Variants in LMNA observed in about 807,000 individuals in gnomAD.
LMNA encodes the protein lamin A/C, also known as lamin.
LMNA carries 20 observed loss-of-function variants against 70.4 expected under a neutral mutation model. The ratio of observed to expected loss-of-function variants is 0.28; its 90% CI spans 0.20 to 0.41. LMNA has a LOEUF of 0.41. Among genes scored for constraint, LMNA ranks in the 10% least tolerant of loss-of-function variants. LMNA has a pLI of 1.00. For missense variants in LMNA, 652 were observed against 917.2 expected, an observed-to-expected ratio of 0.71 and a Z score of 3.73; for synonymous variants, 339 against 372.8, an observed-to-expected ratio of 0.91 and a Z score of 1.04.
intron 1 of LMNA, among the ~76,000 whole-genome samples, chr1:156,125,354 C>T (rs989173074): frequency 3.9e-5 from 6 of 152,066 alleles, no homozygotes; most frequent in African/African-American, 1.4e-4. Context: ...CAGAAGACGC[C>T]CTGTCACATG....
Position 156,136,364 on chromosome 1 carries a change from T to A in LMNA, c.1308T>A (p.Thr436=). The A allele has an allele frequency of 6.2e-7, 1 of 1,612,042 alleles. No individual in the cohort carries two copies. Among genetic ancestry groups the A allele is most frequent in the South Asian group, 1.1e-5 (1 of 90,974 alleles). The change falls in exon 7 of 12, where the codon ACT becomes ACA. Residue 436 remains threonine (T), a synonymous_variant. Transcript: ENST00000368300. The surrounding 1 kb of genome is among the most constrained non-coding windows in gnomAD (Gnocchi z 6.1). The part of the protein sequence containing the change: ...SRSSFSQHAR[T]SGRVAVEEVD... ...GCAGCTTCTCACAGCACGCACGCACTAGCGGGCGCGTGGCCGTGGAGGAGG... is the reference window on the plus strand; with the variant it reads ...GCAGCTTCTCACAGCACGCACGCACAAGCGGGCGCGTGGCCGTGGAGGAGG...
chr1:156,136,219 G>T lies in LMNA; in HGVS notation c.1163G>T (p.Arg388Leu). ...CTTGGTCTCCCTCTCCCCAGGCTAC[G>T]CCTGTCCCCCAGCCCTACCTCGCAG... Reference protein sequence around the residue: ...KLLEGEEERLRLSPSPTSQRS... With the variant: ...KLLEGEEERLLLSPSPTSQRS... Residue 388 changes from arginine (R) to leucine (L), a missense_variant, in exon 7 of 12, where the codon CGC (arginine) becomes CTC (leucine). By Grantham distance (102) the Arg-to-Leu change is moderately radical (BLOSUM62 -2). This residue lies in a region of LMNA where 33 missense variants were observed against 75.3 expected (regional missense o/e 0.44). Transcript: ENST00000368300. This position sits in a 1 kb window ranked among gnomAD's most constrained non-coding sequence, Gnocchi z 6.1. 6.2e-7 allele frequency: 1 copy of T among 1,612,540 alleles called. No homozygotes were observed. Among genetic ancestry groups the T allele is most frequent in the Non-Finnish European group, 8.5e-7 (1 of 1,179,998 alleles).
At chr1:156,122,939 C>T (rs1397255196) in intron 1 of LMNA, among the ~76,000 whole-genome samples, 2 of 152,144 alleles carry the variant, frequency 1.3e-5, no homozygotes, top group African/African-American at 4.8e-5. Flanking sequence ...ACCCCTGCCT[C>T]CCCCAAGTTG....
chr1:156,138,825 G>A lies in LMNA; in HGVS notation c.1968+68G>A. The A allele has an allele frequency of 6.2e-7, 1 of 1,602,490 alleles. No individual in the cohort carries two copies. Among genetic ancestry groups the A allele is most frequent in the South Asian group, 1.1e-5 (1 of 90,570 alleles). ...CCTGGTCATCGAGGGGTAGGACGAGGTGGCCTTGCAGGGGGGAGAGCCTGC... is the reference window on the plus strand; with the variant it reads ...CCTGGTCATCGAGGGGTAGGACGAGATGGCCTTGCAGGGGGGAGAGCCTGC... On this transcript the variant is annotated intron_variant, in intron 11 of 11. Transcript: ENST00000368300. This position sits in a 1 kb window ranked among gnomAD's most constrained non-coding sequence, Gnocchi z 5.5.
intron 2 of LMNA, among the ~76,000 whole-genome samples, chr1:156,133,723 G>A (rs1239417967): frequency 3.4e-5 from 5 of 148,980 alleles, no homozygotes; most frequent in South Asian, 4.5e-4. Context: ...TTCCCACCCC[G>A]TACTTCAGGC....
chr1:156,136,640 C>T lies in LMNA; in HGVS notation c.1380+204C>T. On this transcript the variant is annotated intron_variant, in intron 7 of 11. Transcript: ENST00000368300. This position sits in a 1 kb window ranked among gnomAD's most constrained non-coding sequence, Gnocchi z 6.1. ...ACCTTGAGCAGGTTATTTAACCTCTCAGAGCATCAGTTTCCTCATCTGTAA... is the reference window on the plus strand; with the variant it reads ...ACCTTGAGCAGGTTATTTAACCTCTTAGAGCATCAGTTTCCTCATCTGTAA... 1 of 677,592 alleles carries T rather than the reference C, an allele frequency of 1.5e-6. No homozygotes were observed. Among genetic ancestry groups the T allele is most frequent in the Non-Finnish European group, 2.6e-6 (1 of 381,894 alleles). 42.0% of individuals were successfully genotyped at this position (677,592 alleles called of 1,614,324 possible). A position where few individuals can be genotyped will look rare whatever the true frequency, so the allele number is the denominator to read the frequency against.
chr1:156,110,603 G>C (rs1421172240), upstream of LMNA, among the ~76,000 whole-genome samples: 1 of 152,178 alleles, frequency 6.6e-6, no homozygotes, highest in Non-Finnish European at 1.5e-5. Context: ...CCAGCACTTT[G>C]GGAGGCTGAG....
Position 156,130,757 on chromosome 1 carries a change from G to A in LMNA, c.497G>A (p.Arg166Gln), listed in dbSNP as rs267607570. 3.5e-5 allele frequency: 56 copies of A among 1,589,314 alleles called. No homozygotes were observed. The highest frequency in any genetic ancestry group is 2.1e-4 in the East Asian group (9 of 43,602). The change falls in exon 2 of 12, where the codon CGG becomes CAG. Residue 166 changes from arginine to glutamine, a missense_variant. Coordinates refer to ENST00000368300, the MANE Select transcript of LMNA (RefSeq NM_170707.4). ...RTLEGELHDL[R>Q]GQVAKLEAAL... is the part of the protein sequence containing the mutation. ...CTGGAGGGCGAGCTGCATGATCTGC[G>A]GGGCCAGGTGGCCAAGGTGAGGCCA...
rs1244821224 is a variant in LMNA, at chr1:156,134,001, TC to T, written c.514-400del. Among the ~76,000 whole-genome samples, 1 of 150,758 alleles carries T rather than the reference TC, an allele frequency of 6.6e-6. No individual in the cohort carries two copies. Among genetic ancestry groups the T allele is most frequent in the African/African-American group, 2.5e-5 (1 of 40,286 alleles). On this transcript the variant is annotated intron_variant, in intron 2 of 11. Transcript: ENST00000368300. This position sits in a 1 kb window ranked among gnomAD's most constrained non-coding sequence, Gnocchi z 5.3. Reference sequence around the variant, plus strand: ...TGCTATGTTGTGCCAGAGAAGGGAGTCCTGTGGCTGGGGGGCATATATCTTT... The same window carrying T: ...TGCTATGTTGTGCCAGAGAAGGGAGTCTGTGGCTGGGGGGCATATATCTTT...
exon 3 of LMNA, chr1:156,090,545 T>C (rs1384754231): frequency 6.6e-6 from 1 of 152,196 alleles, no homozygotes; most frequent in Non-Finnish European, 1.5e-5. Flanking sequence ...GACCTGAGGT[T>C]CAGAGAGGCT....
At chr1:156,105,162 A>C (rs914796499) in intron 3 of LMNA, among the ~76,000 whole-genome samples, 3 of 151,946 alleles carry the variant, frequency 2.0e-5, no homozygotes, top group African/African-American at 7.3e-5. Context: ...CTTGGAGCTC[A>C]CCCGGCAAAG....
rs1451785437 is a variant in LMNA at position 156,134,540 on chromosome 1, G to A, written c.639+12G>A. 2 of 1,613,602 alleles carry A rather than the reference G, an allele frequency of 1.2e-6. No individual in the cohort carries two copies. Among genetic ancestry groups the A allele is most frequent in the African/African-American group, 2.7e-5 (2 of 74,924 alleles). Reference sequence around the variant, plus strand: ...ACATCTACAGTGAGGTGGGGACTGTGCTTTGCAAGCCAGAGGGCTGGGGCT... The same window carrying A: ...ACATCTACAGTGAGGTGGGGACTGTACTTTGCAAGCCAGAGGGCTGGGGCT... On this transcript the variant is annotated intron_variant, in intron 3 of 11. Coordinates refer to ENST00000368300, the MANE Select transcript of LMNA (RefSeq NM_170707.4). This position sits in a 1 kb window ranked among gnomAD's most constrained non-coding sequence, Gnocchi z 5.3.
intron 2 of LMNA, among the ~76,000 whole-genome samples, chr1:156,131,706 C>T (rs1651080574): frequency 6.6e-6 from 1 of 152,186 alleles, no homozygotes; most frequent in African/African-American, 2.4e-5. Context: ...ACAAGGGCCT[C>T]CTATAGGCCC....
intron 3 of LMNA, among the ~76,000 whole-genome samples, chr1:156,105,062 C>T (rs1281530694): frequency 6.6e-6 from 1 of 152,182 alleles, no homozygotes; most frequent in East Asian, 1.9e-4. Flanking sequence ...CATCCTCCTC[C>T]CCCAGTGGTT....
intron 1 of LMNA, among the ~76,000 whole-genome samples, chr1:156,117,328 A>G (rs1046279874): frequency 1.1e-4 from 16 of 151,548 alleles, no homozygotes; most frequent in Non-Finnish European, 1.9e-4. Flanking sequence ...TCTGCCTCCC[A>G]GGTTCAAGCC....
intron 3 of LMNA, among the ~76,000 whole-genome samples, chr1:156,096,332 G>T (rs1038654278): frequency 6.6e-6 from 1 of 152,182 alleles, no homozygotes; most frequent in East Asian, 1.9e-4. Flanking sequence ...GCAAATTACC[G>T]CACATCTCTG....
At chr1:156,132,014 A>C (rs1448621771) in intron 2 of LMNA, among the ~76,000 whole-genome samples, 1 of 152,178 alleles carries the variant, frequency 6.6e-6, no homozygotes, top group Non-Finnish European at 1.5e-5. Flanking sequence ...TACTAAAAAT[A>C]CAAAATTAGC....
intron 2 of LMNA, among the ~76,000 whole-genome samples, chr1:156,087,058 C>T (rs941684266): frequency 2.0e-5 from 3 of 152,126 alleles, no homozygotes; most frequent in Admixed American, 2.0e-4. Context: ...TAGCCCTATT[C>T]TCAGAACCCT....
At chr1:156,086,626 T>C (rs1018763124) in intron 2 of LMNA, among the ~76,000 whole-genome samples, 2 of 151,976 alleles carry the variant, frequency 1.3e-5, no homozygotes, top group African/African-American at 4.8e-5. Context: ...GTGTCTGGAG[T>C]TGTATCCCTT....
Sources: allele counts gnomAD v4.1 joint callset (sites outside exome capture counted in the v4.1 genomes callset), GRCh38; gene constraint gnomAD v4.1.1; regional missense constraint gnomAD v4.1.1; non-coding constraint Gnocchi (gnomAD v3.1); transcripts MANE v1.5; gene names NCBI Gene and HGNC (gene_info 2026-07-23, HGNC 2026-07-21).